Variants in SPMAP2L observed in about 807,000 individuals in gnomAD.
The protein encoded by SPMAP2L is sperm microtubule associated protein 2 like, also known as sperm microtubule associated protein 2-like.
chr4:56,593,380 C>A, the SPMAP2L span: 3 of 1,276,628 alleles, frequency 2.3e-6, no homozygotes, highest in Non-Finnish European at 3.4e-6. Context: ...TACTGGAGTC[C>A]TCATTGAGCT....
At chr4:56,597,295 C>T in the SPMAP2L span, among the ~76,000 whole-genome samples, 3 of 152,272 alleles carry the variant, frequency 2.0e-5, no homozygotes, top group East Asian at 5.8e-4. Flanking sequence ...TAGCCGCCCT[C>T]ACCGAGTGGT....
chr4:56,575,412 T>C, the SPMAP2L span: 1 of 1,382,494 alleles, frequency 7.2e-7, no homozygotes. Flanking sequence ...TCATACCTGC[T>C]CCCCTAGGCC....
the SPMAP2L span, among the ~76,000 whole-genome samples, chr4:56,579,880 A>G: frequency 6.6e-6 from 1 of 152,246 alleles, no homozygotes; most frequent in Non-Finnish European, 1.5e-5. Flanking sequence ...ACTGAATCTG[A>G]GTCAAGAAGA....
chr4:56,578,738 A>C, the SPMAP2L span, among the ~76,000 whole-genome samples: 2 of 152,164 alleles, frequency 1.3e-5, no homozygotes, highest in Admixed American at 1.3e-4. Context: ...AAACATTGTT[A>C]CTAAAGACAG....
the SPMAP2L span, among the ~76,000 whole-genome samples, chr4:56,588,351 G>A: frequency 6.6e-6 from 1 of 151,672 alleles, no homozygotes; most frequent in African/African-American, 2.4e-5. Context: ...TGTTTTTATT[G>A]CATTTGCTTT....
At chr4:56,537,099 G>A in the SPMAP2L span, among the ~76,000 whole-genome samples, 1 of 151,994 alleles carries the variant, frequency 6.6e-6, no homozygotes, top group Non-Finnish European at 1.5e-5. Context: ...AAACCTCTAG[G>A]CAGCATCTAA....
chr4:56,571,495 T>G, the SPMAP2L span, among the ~76,000 whole-genome samples: 1 of 151,884 alleles, frequency 6.6e-6, no homozygotes, highest in Non-Finnish European at 1.5e-5. Context: ...TTGGATTTTT[T>G]TGGTAGAAAC....
chr4:56,572,565 C>T, the SPMAP2L span, among the ~76,000 whole-genome samples: 1 of 152,146 alleles, frequency 6.6e-6, no homozygotes, highest in African/African-American at 2.4e-5. Flanking sequence ...GGAAAAAAGA[C>T]TCAAATTATT....
chr4:56,605,634 G>T, the SPMAP2L span, among the ~76,000 whole-genome samples: 2 of 152,150 alleles, frequency 1.3e-5, no homozygotes, highest in African/African-American at 4.8e-5. Context: ...AGCTAGGAAA[G>T]CTGGGCAAAC....
the SPMAP2L span, among the ~76,000 whole-genome samples, chr4:56,569,141 T>C: frequency 1.4e-4 from 22 of 152,350 alleles, no homozygotes. Context: ...TGTGTGAATG[T>C]ATGTTTTCAT....
chr4:56,563,533 C>G, the SPMAP2L span, among the ~76,000 whole-genome samples: 1 of 152,046 alleles, frequency 6.6e-6, no homozygotes, highest in South Asian at 2.1e-4. Context: ...TGGATACAGG[C>G]AGTGAGGGAG....
the SPMAP2L span, chr4:56,584,642 CT>C: frequency 7.1e-7 from 1 of 1,414,366 alleles, no homozygotes; most frequent in Non-Finnish European, 9.6e-7. Flanking sequence ...GAAACAGTTC[CT>C]GATTGACTTG....
At chr4:56,570,896 C>T in the SPMAP2L span, among the ~76,000 whole-genome samples, 1 of 151,940 alleles carries the variant, frequency 6.6e-6, no homozygotes, top group Non-Finnish European at 1.5e-5. Flanking sequence ...CTCCCCCTCC[C>T]GGGTTCAAGC....
At chr4:56,598,977 C>A in the SPMAP2L span, among the ~76,000 whole-genome samples, 2 of 151,958 alleles carry the variant, frequency 1.3e-5, no homozygotes, top group Non-Finnish European at 2.9e-5. Flanking sequence ...CGGTCTCTTG[C>A]CCCCGACCAT....
At chr4:56,567,442 GTTTTT>G in the SPMAP2L span, among the ~76,000 whole-genome samples, 26 of 65,578 alleles carry the variant, frequency 4.0e-4, no homozygotes, top group Admixed American at 1.1e-3. Context: ...AATTTTGGTG[GTTTTT>G]TTTTTTTTTT....
chr4:56,563,908 A>G, the SPMAP2L span, among the ~76,000 whole-genome samples: 4 of 152,294 alleles, frequency 2.6e-5, no homozygotes, highest in Middle Eastern at 3.4e-3. Flanking sequence ...CATAGAATCA[A>G]TTGGAGAGTA....
chr4:56,538,333 C>A, the SPMAP2L span, among the ~76,000 whole-genome samples: 1 of 152,118 alleles, frequency 6.6e-6, no homozygotes, highest in African/African-American at 2.4e-5. Flanking sequence ...ACCTGGCATG[C>A]CTATTTTTTT....
At chr4:56,609,396 G>T in the SPMAP2L span, among the ~76,000 whole-genome samples, 1 of 152,154 alleles carries the variant, frequency 6.6e-6, no homozygotes, top group Admixed American at 6.6e-5. Context: ...CACAGCTGGA[G>T]GGGGAGTTTG....
the SPMAP2L span, among the ~76,000 whole-genome samples, chr4:56,553,759 A>G: frequency 6.6e-6 from 1 of 151,996 alleles, no homozygotes; most frequent in Non-Finnish European, 1.5e-5. Context: ...CAAATGCATA[A>G]TGTATCCACC....
Sources: gnomAD v4.1 joint callset for allele counts (sites outside exome capture counted in the v4.1 genomes callset) on GRCh38, gnomAD v4.1.1 for gene constraint, MANE v1.5 for transcripts, NCBI Gene and HGNC (gene_info 2026-07-23, HGNC 2026-07-21) for gene names.